The following ALG5 variants were observed in gnomAD, a reference collection of about 807,000 sequenced individuals.
The protein encoded by ALG5 is ALG5 dolichyl-phosphate beta-glucosyltransferase, also known as dolichyl-phosphate beta-glucosyltransferase.
A neutral mutation model predicts 51.8 loss-of-function variants in ALG5; 26 were observed. The observed-to-expected ratio is 0.50, with a 90% CI of 0.37 to 0.70. The LOEUF (loss-of-function observed/expected upper bound fraction) is 0.70, where lower values mean the gene tolerates loss of function less well. Ranked by LOEUF, ALG5 falls within the 30% of genes least tolerant of loss-of-function variation. The pLI is 0.00. For missense variants in ALG5, 311 were observed against 399.3 expected (o/e 0.78, Z 1.88); for synonymous variants, 141 against 136.1 (o/e 1.04, Z -0.25).
At chr13:36,993,962 T>C (rs548636636) in intron 3 of ALG5, among the ~76,000 whole-genome samples, 2 of 152,328 alleles carry the variant, frequency 1.3e-5, no homozygotes, top group Non-Finnish European at 2.9e-5. Context: ...TGTGGTGCTA[T>C]AGCACATTTG....
intron 4 of ALG5, among the ~76,000 whole-genome samples, chr13:36,991,980 T>C (rs1566067886): frequency 6.6e-6 from 1 of 152,172 alleles, no homozygotes; most frequent in African/African-American, 2.4e-5. Flanking sequence ...CTCCAGGACA[T>C]GTAATATTTG....
intron 3 of ALG5, 137 bp from the exon 4 acceptor site, chr13:36,993,809 C>T: frequency 1.5e-6 from 1 of 675,426 alleles, no homozygotes; most frequent in Admixed American, 2.6e-5. Flanking sequence ...AGTGCACAAA[C>T]CGCATAAAAT....
Position 36,960,798 on chromosome 13 carries a change from T to C in ALG5, c.773+4777A>G, listed in dbSNP as rs143548095. 6.5e-3 allele frequency among the ~76,000 whole-genome samples: 992 copies of C among 151,950 alleles called. 5 individuals are homozygous for C. Among genetic ancestry groups the C allele is most frequent in the Non-Finnish European group, 0.011 (763 of 67,964 alleles). On this transcript the variant is annotated intron_variant, in intron 8 of 9. Coordinates refer to ENST00000239891, the MANE Select transcript of ALG5 (RefSeq NM_013338.5). The stretch of plus-strand genomic sequence containing the variant: ...CTAGGATTACAGGTGCCCACCACCA[T>C]GCCCAGTTAATTTTTGTATTTTTTT...
chr13:36,954,434 G>T (rs1022683173), intron 8 of ALG5, among the ~76,000 whole-genome samples: 1 of 151,948 alleles, frequency 6.6e-6, no homozygotes, highest in Non-Finnish European at 1.5e-5. Context: ...TAAATGATCC[G>T]CCTGGCTTGA....
intron 8 of ALG5, among the ~76,000 whole-genome samples, chr13:36,963,855 C>T (rs561721964): frequency 6.6e-6 from 1 of 152,066 alleles, no homozygotes; most frequent in Admixed American, 6.5e-5. Context: ...ATGCAGATAC[C>T]CAACATGAAC....
chr13:36,982,161 C>A (rs2058982744), intron 6 of ALG5, among the ~76,000 whole-genome samples: 1 of 152,152 alleles, frequency 6.6e-6, no homozygotes, highest in Admixed American at 6.5e-5. Flanking sequence ...AGAGAATACA[C>A]ATGGAAAACA....
intron 5 of ALG5, among the ~76,000 whole-genome samples, chr13:36,989,277 T>C (rs2059015311): frequency 6.6e-6 from 1 of 152,158 alleles, no homozygotes. Flanking sequence ...TAAACATAAA[T>C]ACATAAATCT....
rs753985955 is a variant in ALG5 at position 36,949,925 on chromosome 13, T to A, written c.*17A>T. The A allele has an allele frequency of 7.7e-6, 12 of 1,549,976 alleles. No homozygotes were observed. Among genetic ancestry groups the A allele is most frequent in the Non-Finnish European group, 1.1e-5 (12 of 1,127,702 alleles). On this transcript the variant is annotated 3_prime_UTR_variant, in exon 10 of 10. Transcript: ENST00000239891. ...TGACACTGAAGCATAAGAACACAACTGAAGACTGCAAACAACCTAATTCAT... is the reference window on the plus strand; with the variant it reads ...TGACACTGAAGCATAAGAACACAACAGAAGACTGCAAACAACCTAATTCAT...
intron 5 of ALG5, among the ~76,000 whole-genome samples, chr13:36,987,780 A>G (rs2059008563): frequency 6.6e-6 from 1 of 152,140 alleles, no homozygotes. Flanking sequence ...AATAGCTCTC[A>G]CATTTATCCC....
intron 4 of ALG5, among the ~76,000 whole-genome samples, chr13:36,992,417 T>G (rs981929252): frequency 6.6e-6 from 1 of 152,176 alleles, no homozygotes; most frequent in Non-Finnish European, 1.5e-5. Flanking sequence ...AGTCATTATA[T>G]AAGTAGCTAA....
chr13:36,966,461 C>T (rs1354997013), intron 7 of ALG5, among the ~76,000 whole-genome samples: 1 of 152,156 alleles, frequency 6.6e-6, no homozygotes, highest in Non-Finnish European at 1.5e-5. Context: ...GGATTCCAGA[C>T]TTTCACATTT....
intron 8 of ALG5, among the ~76,000 whole-genome samples, chr13:36,954,611 T>G (rs1464215556): frequency 1.3e-5 from 2 of 152,218 alleles, no homozygotes; most frequent in African/African-American, 4.8e-5. Flanking sequence ...AGCAAACATT[T>G]TAACTAAAAT....
rs559640521 is a variant in ALG5 at position 36,958,518 on chromosome 13, T to C, written c.774-5919A>G. 8.7e-4 allele frequency among the ~76,000 whole-genome samples: 133 copies of C among 152,250 alleles called. 3 individuals are homozygous for C. Among genetic ancestry groups the C allele is most frequent in the Non-Finnish European group, 4.3e-4 (29 of 68,012 alleles). On this transcript the variant is annotated intron_variant, in intron 8 of 9. Coordinates refer to ENST00000239891, the MANE Select transcript of ALG5 (RefSeq NM_013338.5). ...ACTGGCCTGCTAGCCCATGCTCCGA[T>C]GTTGATGGCATCGAAGGCACCCCTC...
chr13:36,993,759 T>C (rs1418630162), intron 3 of ALG5, 87 bp from the exon 4 acceptor site: 2 of 1,030,784 alleles, frequency 1.9e-6, no homozygotes, highest in Non-Finnish European at 3.0e-6. Flanking sequence ...AAAAAACAAC[T>C]GCTTTAGTGT....
chr13:36,959,179 G>A (rs902680474), intron 8 of ALG5, among the ~76,000 whole-genome samples: 5 of 152,172 alleles, frequency 3.3e-5, no homozygotes, highest in Non-Finnish European at 7.4e-5. Context: ...TAGAGGCAGA[G>A]AGTAGAATGG....
At position 36,980,360 on chromosome 13, in the gene ALG5, G is replaced by A. The variant is rs533368845; in HGVS notation, c.561+5267C>T. Reference sequence around the variant, plus strand: ...AGTGATTCTCATGCCTCAGCTTCCCGAGTAGCTGGGCTTACAGGTGTGCGC... The same window carrying A: ...AGTGATTCTCATGCCTCAGCTTCCCAAGTAGCTGGGCTTACAGGTGTGCGC... On this transcript the variant is annotated intron_variant, in intron 6 of 9. Coordinates refer to ENST00000239891, the MANE Select transcript of ALG5 (RefSeq NM_013338.5). 9.2e-5 allele frequency among the ~76,000 whole-genome samples: 14 copies of A among 152,074 alleles called. No individual in the cohort carries two copies. In the South Asian group the frequency reaches 2.1e-3, roughly 23 times the overall value.
At chr13:36,973,287 A>G (rs980678414) in intron 6 of ALG5, among the ~76,000 whole-genome samples, 1 of 152,204 alleles carries the variant, frequency 6.6e-6, no homozygotes, top group Non-Finnish European at 1.5e-5. Flanking sequence ...AGACAAATCC[A>G]TGGACAATTC....
chr13:36,966,135 G>GAT lies in ALG5; in HGVS notation c.622-411_622-410dup, dbSNP rs1210364167. Among the ~76,000 whole-genome samples, 6 of 152,278 alleles carry GAT rather than the reference G, an allele frequency of 3.9e-5. No individual in the cohort carries two copies. In the East Asian group the frequency reaches 9.7e-4, roughly 24 times the overall value. ...GGATGTATTGACAAAACAAAGCACA[G>GAT]ATATAAGCCTGCAGTTGATACTTAA... is the stretch of plus-strand genomic sequence containing the variant. On this transcript the variant is annotated intron_variant, in intron 7 of 9. Transcript: ENST00000239891.
intron 8 of ALG5, among the ~76,000 whole-genome samples, chr13:36,961,104 C>A (rs1338682530): frequency 6.6e-6 from 1 of 151,886 alleles, no homozygotes; most frequent in Non-Finnish European, 1.5e-5. Context: ...TAGAAAACCA[C>A]AATAAAAAAT....
Sources: gnomAD v4.1 joint callset for allele counts (sites outside exome capture counted in the v4.1 genomes callset) on GRCh38, gnomAD v4.1.1 for gene constraint, MANE v1.5 for transcripts, NCBI Gene and HGNC (gene_info 2026-07-23, HGNC 2026-07-21) for gene names.